PKP4: variants seen among roughly 807,000 people sequenced by gnomAD.
PKP4 encodes the protein plakophilin 4, also known as plakophilin-4.
In PKP4, 90 loss-of-function variants were observed where a neutral mutation model predicts 145.1. That is an observed-to-expected ratio of 0.62 (90% CI 0.52 to 0.74). PKP4 has a LOEUF of 0.74. Among genes scored for constraint, PKP4 ranks in the 30% least tolerant of loss-of-function variants. PKP4 has a pLI of 0.00. For missense variants in PKP4, 1,340 were observed against 1,482.7 expected (o/e 0.90, Z 1.58); for synonymous variants, 563 against 577.2 (o/e 0.98, Z 0.35).
At chr2:158,656,257 G>T (rs922676603) in intron 11 of PKP4, among the ~76,000 whole-genome samples, 3 of 152,114 alleles carry the variant, frequency 2.0e-5, no homozygotes, top group Non-Finnish European at 4.4e-5. Context: ...TTGCCCAAAA[G>T]CACTTTATAT....
chr2:158,648,293 G>A (rs1208784881), intron 11 of PKP4, among the ~76,000 whole-genome samples: 2 of 152,146 alleles, frequency 1.3e-5, no homozygotes, highest in Non-Finnish European at 2.9e-5. Flanking sequence ...GAAATGAAGT[G>A]TATTGTTTTC....
chr2:158,651,278 A>G (rs1380406774), intron 11 of PKP4, among the ~76,000 whole-genome samples: 1 of 151,910 alleles, frequency 6.6e-6, no homozygotes, highest in Admixed American at 6.6e-5. Context: ...ACAGTGCCAT[A>G]TTTTCACACG....
At chr2:158,462,254 A>G (rs1689883191) in intron 1 of PKP4, among the ~76,000 whole-genome samples, 1 of 152,134 alleles carries the variant, frequency 6.6e-6, no homozygotes, top group Non-Finnish European at 1.5e-5. Context: ...ACCTTGACAA[A>G]CCATTTAATG....
rs906706310 is a variant in PKP4 at position 158,680,871 on chromosome 2, A to G, written c.*194A>G. 20 of 559,622 alleles carry G rather than the reference A, an allele frequency of 3.6e-5. No homozygotes were observed. The highest frequency in any genetic ancestry group is 3.0e-4 in the African/African-American group (16 of 53,238). The allele number at this position is 559,622 out of a possible 1,614,324, so 34.7% of individuals were successfully genotyped here. The stretch of plus-strand genomic sequence containing the variant: ...TTTGGGAGAGGACTTTCTAAGCTCT[A>G]TTTAGGTGTTAGATCTAATTACTTA... On this transcript the variant is annotated 3_prime_UTR_variant, in exon 22 of 22. Coordinates refer to ENST00000389759, the MANE Select transcript of PKP4 (RefSeq NM_003628.6).
intron 11 of PKP4, among the ~76,000 whole-genome samples, chr2:158,649,281 G>A (rs1335069772): frequency 6.6e-6 from 1 of 152,080 alleles, no homozygotes; most frequent in African/African-American, 2.4e-5. Context: ...CAGGCTGGAG[G>A]TGTTTCTTCC....
At chr2:158,577,810 T>C (rs186827419) in intron 3 of PKP4, among the ~76,000 whole-genome samples, 76 of 152,328 alleles carry the variant, frequency 5.0e-4, no homozygotes, top group African/African-American at 1.7e-3. Context: ...TCTAGAACTC[T>C]ATGAATCTAC....
chr2:158,599,054 G>A (rs779060366), intron 3 of PKP4, among the ~76,000 whole-genome samples: 11 of 152,178 alleles, frequency 7.2e-5, no homozygotes, highest in Non-Finnish European at 1.5e-4. Flanking sequence ...GAGCCAGGTG[G>A]TGCAGGGCCT....
intron 2 of PKP4, among the ~76,000 whole-genome samples, chr2:158,542,706 A>G (rs1440817776): frequency 6.6e-6 from 1 of 152,088 alleles, no homozygotes. Flanking sequence ...GCGAAAAAAG[A>G]CCCTTCATTG....
intron 1 of PKP4, among the ~76,000 whole-genome samples, chr2:158,474,154 C>G (rs747002561): frequency 6.6e-6 from 1 of 152,184 alleles, no homozygotes; most frequent in Non-Finnish European, 1.5e-5. Flanking sequence ...AGCTACTCGA[C>G]GACAGATATT....
At chr2:158,666,637 A>G in intron 16 of PKP4, 74 bp downstream of exon 16, 1 of 1,281,628 alleles carries the variant, frequency 7.8e-7, no homozygotes, top group East Asian at 2.5e-5. Context: ...CTTTTGATTA[A>G]TAAATATATG....
intron 1 of PKP4, among the ~76,000 whole-genome samples, chr2:158,521,765 A>G (rs763243577): frequency 1.3e-5 from 2 of 152,184 alleles, no homozygotes; most frequent in Non-Finnish European, 2.9e-5. Context: ...TTCTTCTGCA[A>G]TATCTGTTCC....
intron 10 of PKP4, among the ~76,000 whole-genome samples, chr2:158,641,568 C>T (rs3755419): frequency 0.03 from 4,514 of 152,144 alleles, 196 homozygotes; most frequent in East Asian, 0.18. Flanking sequence ...TAGATTCTTT[C>T]TTTAACGTTT....
At chr2:158,515,825 T>G (rs1286195778) in intron 1 of PKP4, among the ~76,000 whole-genome samples, 1 of 152,104 alleles carries the variant, frequency 6.6e-6, no homozygotes, top group Admixed American at 6.6e-5. Context: ...GTGGGAAGAT[T>G]GCTTGAGGCC....
At chr2:158,467,118 A>G (rs1205936800) in intron 1 of PKP4, among the ~76,000 whole-genome samples, 1 of 152,220 alleles carries the variant, frequency 6.6e-6, no homozygotes, top group Admixed American at 6.5e-5. Context: ...TGGTCTTAAT[A>G]TAGTAGATAG....
chr2:158,556,257 T>G (rs1261456457), intron 2 of PKP4, among the ~76,000 whole-genome samples: 1 of 152,194 alleles, frequency 6.6e-6, no homozygotes, highest in Non-Finnish European at 1.5e-5. Context: ...TAAAGTTCAT[T>G]CAGTACACTA....
At chr2:158,466,507 G>C (rs970162440) in intron 1 of PKP4, among the ~76,000 whole-genome samples, 1 of 151,196 alleles carries the variant, frequency 6.6e-6, no homozygotes, top group Non-Finnish European at 1.5e-5. Context: ...GACCAGCCTG[G>C]ACAACATGGT....
chr2:158,632,264 A>G (rs541763199), intron 8 of PKP4, among the ~76,000 whole-genome samples: 24 of 152,332 alleles, frequency 1.6e-4, no homozygotes, highest in Non-Finnish European at 2.9e-4. Flanking sequence ...TTGTTGGAAT[A>G]TTTCTTTGTA....
chr2:158,664,301 A>G (rs960817055), intron 15 of PKP4, among the ~76,000 whole-genome samples: 1 of 152,208 alleles, frequency 6.6e-6, no homozygotes, highest in Non-Finnish European at 1.5e-5. Flanking sequence ...CGTTACAGAC[A>G]TGCCTGTGTC....
At chr2:158,640,548 T>C in intron 9 of PKP4, 79 bp from the exon 10 acceptor site, 1 of 1,485,318 alleles carries the variant, frequency 6.7e-7, no homozygotes, top group Non-Finnish European at 9.1e-7. Context: ...TGAGCTTTTT[T>C]TCCTTATACC....
Sources: gnomAD v4.1 joint callset for allele counts (sites outside exome capture counted in the v4.1 genomes callset) on GRCh38, gnomAD v4.1.1 for gene constraint, MANE v1.5 for transcripts, NCBI Gene and HGNC (gene_info 2026-07-23, HGNC 2026-07-21) for gene names.